Variants in MYO5A observed in about 807,000 individuals in gnomAD.
The protein encoded by MYO5A is myosin VA.
Under a neutral mutation model 249.7 loss-of-function variants are expected in MYO5A, and 98 were observed. The ratio of observed to expected loss-of-function variants is 0.39; its 90% CI spans 0.33 to 0.46. The LOEUF (loss-of-function observed/expected upper bound fraction) is 0.46, where lower values mean the gene tolerates loss of function less well. MYO5A is among the 20% of genes least tolerant of loss of function. MYO5A has a pLI of 0.98. For synonymous variants in MYO5A, 778 were observed against 810.6 expected, an observed-to-expected ratio of 0.96 and a Z score of 0.68; for missense variants, 1,696 against 2,308.8, an observed-to-expected ratio of 0.73 and a Z score of 5.44.
At chr15:52,316,069 C>T (rs186582794) in intron 40 of MYO5A, among the ~76,000 whole-genome samples, 58 of 150,670 alleles carry the variant, frequency 3.8e-4, no homozygotes, top group African/African-American at 1.3e-3. Flanking sequence ...CCCATCTTTA[C>T]TAAAAATACA....
chr15:52,360,275 G>A (rs569485496), intron 24 of MYO5A, among the ~76,000 whole-genome samples, 194 bp from the exon 25 acceptor site: 1 of 152,300 alleles, frequency 6.6e-6, no homozygotes, highest in East Asian at 1.9e-4. Context: ...ACACTGGCAT[G>A]ACAGGACAAG....
chr15:52,415,203 C>T (rs2043422160), intron 5 of MYO5A, among the ~76,000 whole-genome samples: 1 of 152,096 alleles, frequency 6.6e-6, no homozygotes, highest in Non-Finnish European at 1.5e-5. Flanking sequence ...ACAAATAAAG[C>T]TTGACAAAGG....
At chr15:52,407,965 C>G (rs2043081688) in intron 7 of MYO5A, 94 bp downstream of exon 7, 1 of 861,008 alleles carries the variant, frequency 1.2e-6, no homozygotes, top group Admixed American at 1.8e-5. Flanking sequence ...AGTATTCCAA[C>G]ATGAGATAAG....
chr15:52,523,703 C>T (rs940952698), intron 1 of MYO5A, among the ~76,000 whole-genome samples: 1 of 152,026 alleles, frequency 6.6e-6, no homozygotes, highest in Non-Finnish European at 1.5e-5. Flanking sequence ...ATGTGAAAGA[C>T]AAGAAAAAAG....
At chr15:52,394,258 G>A (rs1415024511) in intron 11 of MYO5A, among the ~76,000 whole-genome samples, 1 of 152,202 alleles carries the variant, frequency 6.6e-6, no homozygotes, top group Non-Finnish European at 1.5e-5. Context: ...GTACATGAGG[G>A]CAGTCTCCTG....
intron 1 of MYO5A, among the ~76,000 whole-genome samples, chr15:52,502,982 C>T (rs2077188733): frequency 6.6e-6 from 1 of 152,068 alleles, no homozygotes; most frequent in South Asian, 2.1e-4. Context: ...AAGTAGGTCT[C>T]ATGAAGACAA....
chr15:52,397,596 A>C (rs1368731125), intron 9 of MYO5A, 130 bp from the exon 10 acceptor site: 2 of 1,078,798 alleles, frequency 1.9e-6, no homozygotes, highest in Non-Finnish European at 2.8e-6. Flanking sequence ...AAGATCACTC[A>C]AAGTTGATTA....
chr15:52,527,462 A>G (rs1319261570), intron 1 of MYO5A, among the ~76,000 whole-genome samples: 2 of 152,238 alleles, frequency 1.3e-5, no homozygotes, highest in African/African-American at 4.8e-5. Context: ...CTAGAAAGAA[A>G]GAGGTCTCAG....
intron 36 of MYO5A, chr15:52,323,773 GCAGA>G: frequency 1.2e-4 from 37 of 321,304 alleles, no homozygotes; most frequent in Non-Finnish European, 1.7e-4. Flanking sequence ...GGAGGCCGAG[GCAGA>G]TGGATTGCCT....
chr15:52,308,198 A>C lies in MYO5A; in HGVS notation c.*5498T>G, dbSNP rs148867045. On this transcript the variant is annotated 3_prime_UTR_variant, in exon 42 of 42. Transcript: ENST00000399233. ...GAATCCAATAACGCCCATTAAGTTA[A>C]GCTAACGAACATTTTAGATAGACCA... 167 of 152,362 alleles carry C rather than the reference A, an allele frequency of 1.1e-3. No homozygotes were observed. Among genetic ancestry groups the C allele is most frequent in the African/African-American group, 4.0e-3 (165 of 41,598 alleles). The allele number at this position is 152,362 out of a possible 1,614,324, so 9.4% of individuals were successfully genotyped here.
At chr15:52,466,841 C>T (rs1595736302) in intron 1 of MYO5A, among the ~76,000 whole-genome samples, 1 of 152,180 alleles carries the variant, frequency 6.6e-6, no homozygotes, top group Admixed American at 6.5e-5. Flanking sequence ...CCCACTGCAA[C>T]AATTAACACA....
intron 37 of MYO5A, among the ~76,000 whole-genome samples, 159 bp downstream of exon 37, chr15:52,323,196 C>A (rs1020630447): frequency 6.6e-6 from 1 of 152,192 alleles, no homozygotes; most frequent in East Asian, 1.9e-4. Context: ...CAAATCACTG[C>A]TTCATAGATA....
Position 52,319,433 on chromosome 15 carries a change from A to C in MYO5A, c.4952-91T>G, listed in dbSNP as rs552027605. On this transcript the variant is annotated intron_variant, in intron 38 of 41. Transcript: ENST00000399233. ...ATGTGCACAAACACATGCACATTCA[A>C]CTTAGGAAAATTAGCTGGGCACGGT... 6.8e-4 allele frequency: 972 copies of C among 1,431,086 alleles called. 2 individuals carry two copies. Among genetic ancestry groups the C allele is most frequent in the Non-Finnish European group, 8.6e-4 (882 of 1,021,216 alleles). The allele number at this position is 1,431,086 out of a possible 1,614,324, so 88.6% of individuals were successfully genotyped here.
At chr15:52,363,298 G>A (rs1441412652) in intron 24 of MYO5A, among the ~76,000 whole-genome samples, 1 of 152,224 alleles carries the variant, frequency 6.6e-6, no homozygotes, top group African/African-American at 2.4e-5. Flanking sequence ...ACCAACGGTA[G>A]CACGGTGATC....
chr15:52,359,022 T>C (rs1156698611), intron 25 of MYO5A, among the ~76,000 whole-genome samples: 1 of 152,202 alleles, frequency 6.6e-6, no homozygotes, highest in Non-Finnish European at 1.5e-5. Context: ...TCAGTTAGTA[T>C]GCTGGATCTA....
chr15:52,337,727 G>T, intron 33 of MYO5A, 83 bp downstream of exon 33: 1 of 998,460 alleles, frequency 1.0e-6, no homozygotes, highest in Non-Finnish European at 1.5e-6. Context: ...CCTGGGAGGG[G>T]GCAGGCAGCA....
intron 1 of MYO5A, among the ~76,000 whole-genome samples, chr15:52,483,943 T>C (rs1421879002): frequency 1.3e-5 from 2 of 152,172 alleles, no homozygotes; most frequent in Middle Eastern, 3.2e-3. Context: ...CTAAAGCAAC[T>C]GCAAGCCGTC....
intron 29 of MYO5A, among the ~76,000 whole-genome samples, chr15:52,346,984 T>A (rs933894684): frequency 1.3e-5 from 2 of 151,962 alleles, no homozygotes; most frequent in Non-Finnish European, 2.9e-5. Context: ...TCAGATTATA[T>A]GCTTCAGCAA....
In MYO5A at chr15:52,371,503, G is replaced by T. The variant is rs539460915; in HGVS notation, c.2817+621C>A. On this transcript the variant is annotated intron_variant, in intron 21 of 41. Transcript: ENST00000399233. ...CATTGCCAAGTACAAAATACAGTAT[G>T]CCTGGTTCAAGCTGGTGTTTGAAAA... Among the ~76,000 whole-genome samples the T allele has an allele frequency of 2.0e-5, 3 of 152,308 alleles. No individual in the cohort carries two copies. The South Asian group carries it at 6.2e-4, about 32-fold the overall frequency.
Sources: gnomAD v4.1 joint callset for allele counts (sites outside exome capture counted in the v4.1 genomes callset) on GRCh38, gnomAD v4.1.1 for gene constraint, MANE v1.5 for transcripts, NCBI Gene and HGNC (gene_info 2026-07-23, HGNC 2026-07-21) for gene names.